The following TANC2 variants were observed in gnomAD, a reference collection of about 807,000 sequenced individuals.
TANC2 encodes tetratricopeptide repeat, ankyrin repeat and coiled-coil containing 2.
A neutral mutation model predicts 210.5 loss-of-function variants in TANC2; 26 were observed. The observed-to-expected ratio is 0.12, with a 90% CI of 0.09 to 0.17. TANC2 has a LOEUF of 0.17. Ranked by LOEUF, TANC2 falls within the 10% of genes least tolerant of loss-of-function variation. The pLI is 1.00. For synonymous variants in TANC2, 931 were observed against 967.1 expected (o/e 0.96, Z 0.69); for missense variants, 2,129 against 2,608.9 (o/e 0.82, Z 4.01).
At chr17:63,066,716 C>T (rs1598345345) in intron 2 of TANC2, among the ~76,000 whole-genome samples, 1 of 151,928 alleles carries the variant, frequency 6.6e-6, no homozygotes, top group Non-Finnish European at 1.5e-5. Context: ...CAAGAGTTGT[C>T]AGGCCATTCT....
At chr17:63,224,665 C>A (rs956896417) in intron 7 of TANC2, among the ~76,000 whole-genome samples, 1 of 152,232 alleles carries the variant, frequency 6.6e-6, no homozygotes, top group Non-Finnish European at 1.5e-5. Context: ...CTATTAACTG[C>A]ACTTAGAGAG....
At chr17:63,272,315 G>A (rs2043736004) in intron 9 of TANC2, among the ~76,000 whole-genome samples, 1 of 152,042 alleles carries the variant, frequency 6.6e-6, no homozygotes, top group South Asian at 2.1e-4. Context: ...GTTGGTCTAT[G>A]CGTCTGTTTG....
At chr17:63,250,362 C>T (rs2043024880) in intron 8 of TANC2, among the ~76,000 whole-genome samples, 1 of 151,750 alleles carries the variant, frequency 6.6e-6, no homozygotes, top group Admixed American at 6.6e-5. Context: ...GGTCTCGATC[C>T]CTGGGCTCAA....
At chr17:63,297,841 TA>T (rs756343498) in intron 9 of TANC2, among the ~76,000 whole-genome samples, 1 of 151,840 alleles carries the variant, frequency 6.6e-6, no homozygotes, top group Non-Finnish European at 1.5e-5. Flanking sequence ...CAGAATATAT[TA>T]AAAAAACTCC....
intron 4 of TANC2, among the ~76,000 whole-genome samples, chr17:63,102,744 G>A (rs1158350787): frequency 5.9e-5 from 9 of 151,400 alleles, no homozygotes; most frequent in Admixed American, 5.9e-4. Context: ...GAATCTTGTT[G>A]GCATGTATGT....
At chr17:63,224,012 AGC>A (rs1395828171) in intron 7 of TANC2, among the ~76,000 whole-genome samples, 1 of 152,144 alleles carries the variant, frequency 6.6e-6, no homozygotes, top group African/African-American at 2.4e-5. Context: ...TTGCCCAAAG[AGC>A]TCCAACTTCC....
chr17:63,172,820 G>A (rs534746698), intron 5 of TANC2, among the ~76,000 whole-genome samples: 34 of 152,246 alleles, frequency 2.2e-4, no homozygotes, highest in African/African-American at 7.0e-4. Flanking sequence ...CTGCAAAAAG[G>A]CTTATAAGCC....
chr17:63,049,746 G>C (rs1484130680), intron 2 of TANC2, among the ~76,000 whole-genome samples: 2 of 152,192 alleles, frequency 1.3e-5, no homozygotes, highest in Non-Finnish European at 2.9e-5. Context: ...GCAGTATTGA[G>C]AATAGATTGA....
chr17:63,167,419 A>G (rs148327090), intron 5 of TANC2, among the ~76,000 whole-genome samples: 208 of 152,290 alleles, frequency 1.4e-3, no homozygotes, highest in Middle Eastern at 0.01. Flanking sequence ...CTGTTCATTA[A>G]TGGGTACACT....
chr17:63,335,779 A>G (rs1334077860), intron 11 of TANC2, among the ~76,000 whole-genome samples: 1 of 152,142 alleles, frequency 6.6e-6, no homozygotes, highest in Non-Finnish European at 1.5e-5. Context: ...TAATGTCTAT[A>G]GGTAATAGTA....
chr17:63,307,216 T>C (rs374361399), intron 9 of TANC2, among the ~76,000 whole-genome samples: 1 of 152,162 alleles, frequency 6.6e-6, no homozygotes, highest in South Asian at 2.1e-4. Flanking sequence ...GGGAGTGATA[T>C]GGTCCTTTTA....
rs2041417545 is a variant in TANC2, at chr17:63,198,425, C to A, written c.583-2346C>A. Among the ~76,000 whole-genome samples, 4 of 152,236 alleles carry A rather than the reference C, an allele frequency of 2.6e-5. No individual in the cohort carries two copies. In the South Asian group the frequency reaches 8.3e-4, roughly 32 times the overall value. On this transcript the variant is annotated intron_variant, in intron 6 of 27. Transcript: ENST00000689528. ...GGCCAGGCTGGTCTCAAACTCCTGG[C>A]CTCAAGCAATCCGCCTGCCTCAAGC...
In TANC2 at chr17:63,266,820, G is replaced by A. The variant is rs539954020; in HGVS notation, c.1034-928G>A. On this transcript the variant is annotated intron_variant, in intron 8 of 27. Transcript: ENST00000689528. ...CAAACCAGTTGTTAGTAATAAGTTGGTAGCTAATATTTTCTTCCTTTTTTT... is the reference window on the plus strand; with the variant it reads ...CAAACCAGTTGTTAGTAATAAGTTGATAGCTAATATTTTCTTCCTTTTTTT... 1.6e-4 allele frequency among the ~76,000 whole-genome samples: 25 copies of A among 152,144 alleles called. No homozygotes were observed. The South Asian group carries it at 4.8e-3, about 29-fold the overall frequency.
intron 6 of TANC2, among the ~76,000 whole-genome samples, chr17:63,196,480 T>C (rs1322944703): frequency 6.6e-6 from 1 of 152,212 alleles, no homozygotes; most frequent in Non-Finnish European, 1.5e-5. Context: ...ATGATAAAAT[T>C]TGTACTTGTT....
exon 15 of TANC2, chr17:63,379,771 A>G: frequency 1.2e-6 from 2 of 1,613,286 alleles, no homozygotes; most frequent in Non-Finnish European, 1.7e-6. Flanking sequence ...GGAAAACTAA[A>G]CCGACAGCAG....
chr17:63,261,293 A>G (rs772248588), intron 8 of TANC2, among the ~76,000 whole-genome samples: 2 of 152,202 alleles, frequency 1.3e-5, no homozygotes, highest in Non-Finnish European at 2.9e-5. Flanking sequence ...CTGAAAAGGT[A>G]GTAAGAAAAC....
chr17:63,229,388 T>G (rs1386473598), intron 7 of TANC2, among the ~76,000 whole-genome samples: 2 of 152,168 alleles, frequency 1.3e-5, no homozygotes, highest in African/African-American at 4.8e-5. Flanking sequence ...AGTTTTCTTT[T>G]TTGTTGTATC....
At chr17:63,021,429 T>C (rs756063140) in intron 2 of TANC2, among the ~76,000 whole-genome samples, 1 of 152,150 alleles carries the variant, frequency 6.6e-6, no homozygotes, top group Non-Finnish European at 1.5e-5. Context: ...GAGCTGGTTG[T>C]TATAAAGCAG....
At chr17:63,277,586 G>A (rs888336554) in intron 9 of TANC2, among the ~76,000 whole-genome samples, 2 of 151,432 alleles carry the variant, frequency 1.3e-5, no homozygotes, top group African/African-American at 4.9e-5. Context: ...ACATTTAAAA[G>A]CAGTTTTGAA....
Sources: allele counts gnomAD v4.1 joint callset (sites outside exome capture counted in the v4.1 genomes callset), GRCh38; gene constraint gnomAD v4.1.1; transcripts MANE v1.5; gene names NCBI Gene and HGNC (gene_info 2026-07-23, HGNC 2026-07-21).